STK32A: variants seen among roughly 807,000 people sequenced by gnomAD.
STK32A encodes serine/threonine-protein kinase 32A.
Under a neutral mutation model 53.2 loss-of-function variants are expected in STK32A, and 41 were observed. The ratio of observed to expected loss-of-function variants is 0.77; its 90% confidence interval spans 0.60 to 1.00. The LOEUF (loss-of-function observed/expected upper bound fraction) is 1.00, where lower values mean the gene tolerates loss of function less well. STK32A is among the 50% of genes least tolerant of loss of function. The pLI, the probability that STK32A is intolerant of heterozygous loss-of-function variation, is 0.00. For missense variants in STK32A, 458 were observed against 485.8 expected (o/e 0.94, Z 0.54); for synonymous variants, 166 against 162.8 (o/e 1.02, Z -0.15).
At chr5:147,244,997 A>T (rs1224586576) in intron 2 of STK32A, among the ~76,000 whole-genome samples, 1 of 152,228 alleles carries the variant, frequency 6.6e-6, no homozygotes, top group African/African-American at 2.4e-5. Context: ...TCGATTCCAC[A>T]GTTAATTAGA....
the STK32A span, chr5:147,395,539 G>C: frequency 1.9e-6 from 3 of 1,599,032 alleles, no homozygotes; most frequent in East Asian, 2.3e-5. Context: ...CTTATCTTTT[G>C]ATGAGCCTGT....
intron 4 of STK32A, among the ~76,000 whole-genome samples, chr5:147,282,308 C>T (rs966481898): frequency 6.6e-6 from 1 of 152,136 alleles, no homozygotes; most frequent in African/African-American, 2.4e-5. Flanking sequence ...CTTTCCTGAA[C>T]ACACACCCCC....
At chr5:147,361,412 T>C (rs559943857) in intron 7 of STK32A, 105 bp from the exon 8 acceptor site, 166 of 781,102 alleles carry the variant, frequency 2.1e-4, no homozygotes, top group Non-Finnish European at 3.4e-4. Context: ...CATAAAAGTG[T>C]TTATATTTTT....
chr5:147,288,358 A>G (rs897708114), intron 4 of STK32A, among the ~76,000 whole-genome samples: 7 of 152,214 alleles, frequency 4.6e-5, no homozygotes, highest in Non-Finnish European at 8.8e-5. Flanking sequence ...AATATATTCA[A>G]TGTAAGTTTA....
chr5:147,272,714 T>A (rs2151952114), intron 2 of STK32A, among the ~76,000 whole-genome samples: 1 of 152,358 alleles, frequency 6.6e-6, no homozygotes, highest in South Asian at 2.1e-4. Flanking sequence ...ATTGTTGTAC[T>A]TAAAAAAATT....
intron 4 of STK32A, among the ~76,000 whole-genome samples, chr5:147,308,162 A>ATG (rs77979607): frequency 9.0e-4 from 116 of 129,524 alleles, no homozygotes; most frequent in East Asian, 3.7e-3. Context: ...ATATATATAT[A>ATG]TGTGTGTACA....
chr5:147,259,654 A>C (rs1474910128), intron 2 of STK32A, among the ~76,000 whole-genome samples: 1 of 152,102 alleles, frequency 6.6e-6, no homozygotes, highest in Non-Finnish European at 1.5e-5. Context: ...TTAACTAAGG[A>C]ATAGGGTACA....
chr5:147,375,179 AAAG>A lies in STK32A; in HGVS notation c.997_999del (p.Lys333del), dbSNP rs544427666. 1.0e-4 allele frequency: 162 copies of A among 1,610,982 alleles called. 3 individuals are homozygous for A. In the South Asian group the frequency reaches 1.6e-3, roughly 16 times the overall value. On this transcript the variant is annotated inframe_deletion, in exon 11 of 13. Coordinates refer to ENST00000397936, the MANE Select transcript of STK32A (RefSeq NM_001112724.2). ...TACATAAGAAAAAAAAGCGTCTGGC[AAAG>A]AAGGAGAAGGATATGAGGAAATGCG...
intron 2 of STK32A, among the ~76,000 whole-genome samples, chr5:147,251,032 A>C (rs904950435): frequency 6.6e-6 from 1 of 152,166 alleles, no homozygotes; most frequent in Non-Finnish European, 1.5e-5. Context: ...AAATAAACAA[A>C]GAGATGATGC....
chr5:147,345,163 C>T (rs889829), intron 6 of STK32A, among the ~76,000 whole-genome samples: 75,082 of 151,984 alleles, frequency 0.49, 19,808 homozygotes, highest in African/African-American at 0.65. Context: ...TTCCTAGCCC[C>T]GAGAGCTTTG....
chr5:147,338,073 A>G (rs1261985386), intron 5 of STK32A, among the ~76,000 whole-genome samples: 1 of 152,186 alleles, frequency 6.6e-6, no homozygotes, highest in Non-Finnish European at 1.5e-5. Context: ...GAGGGAATTC[A>G]TCATTAGCTA....
At chr5:147,294,571 C>T (rs1752773369) in intron 4 of STK32A, among the ~76,000 whole-genome samples, 1 of 152,154 alleles carries the variant, frequency 6.6e-6, no homozygotes, top group African/African-American at 2.4e-5. Context: ...CTCTTTCATG[C>T]AAATGAAAAA....
rs182485557 is a variant in STK32A at position 147,324,345 on chromosome 5, G to A, written c.434+274G>A. 3.6e-3 allele frequency among the ~76,000 whole-genome samples: 546 copies of A among 152,192 alleles called. 4 individuals are homozygous for A. Among genetic ancestry groups the A allele is most frequent in the African/African-American group, 0.013 (522 of 41,522 alleles). On this transcript the variant is annotated intron_variant, in intron 5 of 12. Transcript: ENST00000397936. The stretch of plus-strand genomic sequence containing the variant: ...CTAAGCTTAGACAAAAAGGAGAAAA[G>A]GTGACATATAGAAACCTAATAAATA...
chr5:147,394,232 GC>G, the STK32A span: 8 of 1,053,716 alleles, frequency 7.6e-6, no homozygotes, highest in Non-Finnish European at 9.8e-6. Context: ...GATATGAAGT[GC>G]CTTGCTGGCC....
intron 4 of STK32A, among the ~76,000 whole-genome samples, chr5:147,279,973 C>T (rs1169926458): frequency 6.6e-6 from 1 of 152,144 alleles, no homozygotes; most frequent in Non-Finnish European, 1.5e-5. Flanking sequence ...AGAGACCCTC[C>T]TCTCCCAAAC....
intron 7 of STK32A, among the ~76,000 whole-genome samples, chr5:147,358,318 CT>C (rs1188188465): frequency 1.3e-5 from 2 of 152,108 alleles, no homozygotes; most frequent in Non-Finnish European, 2.9e-5. Flanking sequence ...AAAAGGAACC[CT>C]GATCTAATAC....
rs539041568 is a variant in STK32A at position 147,329,909 on chromosome 5, C to T, written c.434+5838C>T. On this transcript the variant is annotated intron_variant, in intron 5 of 12. Coordinates refer to ENST00000397936, the MANE Select transcript of STK32A (RefSeq NM_001112724.2). The stretch of plus-strand genomic sequence containing the variant: ...TGTATATGTAACCATTGGGTGAGTG[C>T]AGAAGGTAAAAGTTGCTGTGGAGGA... Among the ~76,000 whole-genome samples the T allele has an allele frequency of 5.9e-5, 9 of 152,298 alleles. No individual in the cohort carries two copies. In the East Asian group the frequency reaches 1.5e-3, roughly 26 times the overall value.
intron 5 of STK32A, among the ~76,000 whole-genome samples, chr5:147,328,877 A>C (rs1449199198): frequency 1.3e-5 from 2 of 152,200 alleles, no homozygotes; most frequent in African/African-American, 4.8e-5. Context: ...TTATGAATTT[A>C]AGCTAATGAG....
At chr5:147,315,431 G>A (rs1334048560) in intron 4 of STK32A, among the ~76,000 whole-genome samples, 1 of 152,124 alleles carries the variant, frequency 6.6e-6, no homozygotes, top group Non-Finnish European at 1.5e-5. Context: ...CTACAACATG[G>A]ATGAACCTTG....
Sources: allele counts gnomAD v4.1 joint callset (sites outside exome capture counted in the v4.1 genomes callset), GRCh38; gene constraint gnomAD v4.1.1; transcripts MANE v1.5; gene names NCBI Gene and HGNC (gene_info 2026-07-23, HGNC 2026-07-21).